The following GUCY1A2 variants were observed in gnomAD, a reference collection of about 807,000 sequenced individuals.
GUCY1A2 encodes guanylate cyclase soluble subunit alpha-2.
A neutral mutation model predicts 63.5 loss-of-function variants in GUCY1A2; 27 were observed. That is an observed-to-expected ratio of 0.43 (90% CI 0.31 to 0.59). The LOEUF (loss-of-function observed/expected upper bound fraction) is 0.59. GUCY1A2 is among the 20% of genes least tolerant of loss of function. The pLI is 0.11. For synonymous variants in GUCY1A2, 364 were observed against 343.5 expected (o/e 1.06, Z -0.66); for missense variants, 768 against 913.3 (o/e 0.84, Z 2.05).
At chr11:106,780,797 T>C (rs572587704) in intron 5 of GUCY1A2, among the ~76,000 whole-genome samples, 12 of 152,320 alleles carry the variant, frequency 7.9e-5, no homozygotes, top group African/African-American at 2.9e-4. Flanking sequence ...GTGTATGTAA[T>C]ATATCTTTGT....
chr11:106,766,483 C>T (rs1864165080), intron 6 of GUCY1A2, among the ~76,000 whole-genome samples: 2 of 151,904 alleles, frequency 1.3e-5, no homozygotes, highest in African/African-American at 4.8e-5. Flanking sequence ...TAAAATATGT[C>T]TATAATTGGT....
intron 3 of GUCY1A2, among the ~76,000 whole-genome samples, chr11:106,956,496 T>C (rs1466228869): frequency 1.3e-5 from 2 of 152,130 alleles, no homozygotes; most frequent in African/African-American, 2.4e-5. Context: ...GTTGATGCTG[T>C]TGTCACTTTC....
At chr11:106,781,657 G>A (rs186743203) in intron 5 of GUCY1A2, among the ~76,000 whole-genome samples, 8 of 151,994 alleles carry the variant, frequency 5.3e-5, no homozygotes, top group South Asian at 2.1e-4. Context: ...CCTCCATCCC[G>A]GGTTCAAGCA....
At position 106,854,649 on chromosome 11, in the gene GUCY1A2, C is replaced by T. The variant is rs547024884; in HGVS notation, c.1207-44171G>A. ...CAGGGCAGGCCTGCCCTCAGGGCCCCGGATGGATGAGCATGTGGTAGTGGT... is the reference window on the plus strand; with the variant it reads ...CAGGGCAGGCCTGCCCTCAGGGCCCTGGATGGATGAGCATGTGGTAGTGGT... On this transcript the variant is annotated intron_variant, in intron 4 of 7. Coordinates refer to ENST00000526355, the MANE Select transcript of GUCY1A2 (RefSeq NM_000855.3). 3.3e-5 allele frequency among the ~76,000 whole-genome samples: 5 copies of T among 152,234 alleles called. No homozygotes were observed. In the East Asian group the frequency reaches 7.8e-4, roughly 24 times the overall value.
At chr11:106,887,599 C>T (rs939803197) in intron 4 of GUCY1A2, among the ~76,000 whole-genome samples, 1 of 152,218 alleles carries the variant, frequency 6.6e-6, no homozygotes, top group Non-Finnish European at 1.5e-5. Context: ...CTGCTGAGAC[C>T]TCATGCCAAT....
intron 5 of GUCY1A2, among the ~76,000 whole-genome samples, chr11:106,779,175 T>G (rs776113445): frequency 2.0e-5 from 3 of 152,172 alleles, no homozygotes; most frequent in Non-Finnish European, 4.4e-5. Flanking sequence ...CCCAGATCTA[T>G]CATTATATTC....
chr11:106,864,013 A>G (rs1372187615), intron 4 of GUCY1A2, among the ~76,000 whole-genome samples: 1 of 152,012 alleles, frequency 6.6e-6, no homozygotes, highest in Admixed American at 6.6e-5. Context: ...TTATCAGCTG[A>G]AGGAGATTTT....
chr11:106,926,803 T>G (rs1419515042), intron 4 of GUCY1A2, among the ~76,000 whole-genome samples: 1 of 151,808 alleles, frequency 6.6e-6, no homozygotes, highest in Non-Finnish European at 1.5e-5. Flanking sequence ...AAACCATATA[T>G]AAAGTTTCCA....
In GUCY1A2 at chr11:106,811,468, C is replaced by G. The variant is rs1429368851; in HGVS notation, c.1207-990G>C. Among the ~76,000 whole-genome samples the G allele has an allele frequency of 2.6e-5, 4 of 152,200 alleles. No homozygotes were observed. In the East Asian group the frequency reaches 7.7e-4, roughly 29 times the overall value. ...AAGTTGACCAGTTGGGACTGTGCAT[C>G]AGTTTCATCTATGTTCCACTACTAC... On this transcript the variant is annotated intron_variant, in intron 4 of 7. Transcript: ENST00000526355.
At chr11:106,719,441 T>C (rs1863275394) in intron 6 of GUCY1A2, among the ~76,000 whole-genome samples, 1 of 152,150 alleles carries the variant, frequency 6.6e-6, no homozygotes, top group African/African-American at 2.4e-5. Context: ...TTATCAGTTA[T>C]TAATTCATTC....
intron 4 of GUCY1A2, among the ~76,000 whole-genome samples, chr11:106,896,425 T>C (rs573084302): frequency 1.7e-4 from 26 of 152,336 alleles, no homozygotes; most frequent in African/African-American, 6.0e-4. Flanking sequence ...ACCATCTCAC[T>C]ACTCCTTTTA....
At chr11:106,872,637 C>G (rs1859695263) in intron 4 of GUCY1A2, among the ~76,000 whole-genome samples, 1 of 152,090 alleles carries the variant, frequency 6.6e-6, no homozygotes, top group Non-Finnish European at 1.5e-5. Context: ...AATATATAGG[C>G]AAAAAGCCGG....
intron 4 of GUCY1A2, among the ~76,000 whole-genome samples, chr11:106,919,397 G>GT (rs1860411995): frequency 6.6e-6 from 1 of 152,056 alleles, no homozygotes; most frequent in Non-Finnish European, 1.5e-5. Flanking sequence ...ACAAAAAAAG[G>GT]TATCTTGGTG....
intron 1 of GUCY1A2, among the ~76,000 whole-genome samples, chr11:107,005,494 A>T (rs890859679): frequency 6.6e-6 from 1 of 152,110 alleles, no homozygotes; most frequent in African/African-American, 2.4e-5. Flanking sequence ...AGCTGGTCTC[A>T]AACTCCCGGG....
At chr11:106,980,297 G>A (rs967003309) in intron 2 of GUCY1A2, among the ~76,000 whole-genome samples, 6 of 152,198 alleles carry the variant, frequency 3.9e-5, no homozygotes, top group Admixed American at 3.9e-4. Context: ...GCTCCCACTA[G>A]CAAGACCACG....
At chr11:106,996,919 T>C (rs1861546774) in intron 1 of GUCY1A2, among the ~76,000 whole-genome samples, 1 of 152,216 alleles carries the variant, frequency 6.6e-6, no homozygotes, top group South Asian at 2.1e-4. Flanking sequence ...ACTAGGCAGA[T>C]GTTTGGCAGA....
chr11:106,887,234 T>C (rs1859912464), intron 4 of GUCY1A2, among the ~76,000 whole-genome samples: 1 of 152,148 alleles, frequency 6.6e-6, no homozygotes, highest in Non-Finnish European at 1.5e-5. Flanking sequence ...CATCAGTTTT[T>C]CAAAACCTGC....
intron 4 of GUCY1A2, among the ~76,000 whole-genome samples, chr11:106,882,593 C>G (rs1859839858): frequency 6.6e-6 from 1 of 152,046 alleles, no homozygotes; most frequent in Admixed American, 6.6e-5. Flanking sequence ...ACAAAGCACT[C>G]TCCCAGGACT....
At chr11:106,911,201 C>T in intron 4 of GUCY1A2, among the ~76,000 whole-genome samples, 1 of 151,948 alleles carries the variant, frequency 6.6e-6, no homozygotes, top group East Asian at 1.9e-4. Flanking sequence ...GCTAACCTCA[C>T]TATATATAAA....
Sources: gnomAD v4.1 joint callset for allele counts (sites outside exome capture counted in the v4.1 genomes callset) on GRCh38, gnomAD v4.1.1 for gene constraint, MANE v1.5 for transcripts, NCBI Gene and HGNC (gene_info 2026-07-23, HGNC 2026-07-21) for gene names.